The following OR51A7 variants were observed in gnomAD, a reference collection of about 807,000 sequenced individuals.
OR51A7 encodes the protein olfactory receptor family 51 subfamily A member 7.
For synonymous variants in OR51A7, 143 were observed against 135.5 expected, an observed-to-expected ratio of 1.05 and a Z score of -0.38; for missense variants, 409 against 374.5, an observed-to-expected ratio of 1.09 and a Z score of -0.76.
In OR51A7 at chr11:4,907,587, T is replaced by A; in HGVS notation, c.218T>A (p.Leu73Gln). 1 of 1,613,838 alleles carries A rather than the reference T, an allele frequency of 6.2e-7. No homozygotes were observed. The highest frequency in any genetic ancestry group is 8.5e-7 in the Non-Finnish European group (1 of 1,179,746). ...ATGTTGGCTGTCTCTGACATGGGCC[T>A]GTCCCTCTCCTCCCTTCCTACCATG... ...LAMLAVSDMGLSLSSLPTMLR... is the reference protein window; with the variant it reads ...LAMLAVSDMGQSLSSLPTMLR... Residue 73 changes from leucine (L) to glutamine (Q), a missense_variant, in exon 2 of 2, where the codon CTG (leucine) becomes CAG (glutamine). Coordinates refer to ENST00000641490, the MANE Select transcript of OR51A7 (RefSeq NM_001004749.2).
In OR51A7 at chr11:4,908,178, T is replaced by C. The variant is rs1406390190; in HGVS notation, c.809T>C (p.Leu270Pro). The change falls in exon 2 of 2, where the codon CTT becomes CCT. Residue 270 changes from leucine (L) to proline (P), a missense_variant. Transcript: ENST00000641490. ...MHHFAKHKSP[L>P]VVILIADMFL... Reference sequence around the variant, plus strand: ...CACTTTGCCAAGCACAAAAGCCCTCTTGTTGTGATCCTTATTGCAGATATG... The same window carrying C: ...CACTTTGCCAAGCACAAAAGCCCTCCTGTTGTGATCCTTATTGCAGATATG... 1 of 1,614,212 alleles carries C rather than the reference T, an allele frequency of 6.2e-7. No homozygotes were observed. The highest frequency in any genetic ancestry group is 8.5e-7 in the Non-Finnish European group (1 of 1,180,038).
chr11:4,908,177 C>T lies in OR51A7; in HGVS notation c.808C>T (p.Leu270Phe). Reference protein sequence around the residue: ...MHHFAKHKSPLVVILIADMFL... With the variant: ...MHHFAKHKSPFVVILIADMFL... ...TCACTTTGCCAAGCACAAAAGCCCT[C>T]TTGTTGTGATCCTTATTGCAGATAT... Residue 270 changes from leucine to phenylalanine, a missense_variant, in exon 2 of 2, where the codon CTT (leucine) becomes TTT (phenylalanine). Transcript: ENST00000641490. 6.2e-7 allele frequency: 1 copy of T among 1,614,188 alleles called. No homozygotes were observed. The highest frequency in any genetic ancestry group is 8.5e-7 in the Non-Finnish European group (1 of 1,180,028).
chr11:4,907,109 A>AAAAAAAAAAAAAAAAG (rs1564804260), intron 1 of OR51A7, among the ~76,000 whole-genome samples: 2 of 150,902 alleles, frequency 1.3e-5, no homozygotes, highest in South Asian at 2.1e-4. Context: ...AAAAAAAAAA[A>AAAAAAAAAAAAAAAAG]AAAAAATCCT....
At chr11:4,904,336 G>C (rs1246147482) in intron 1 of OR51A7, among the ~76,000 whole-genome samples, 1 of 152,044 alleles carries the variant, frequency 6.6e-6, no homozygotes, top group Non-Finnish European at 1.5e-5. Context: ...CTTGAGAACT[G>C]ATTTTTGCCT....
At position 4,908,490 on chromosome 11, in the gene OR51A7, A is replaced by G. The variant is rs1850942287; in HGVS notation, c.*182A>G. The G allele has an allele frequency of 3.2e-6, 2 of 626,118 alleles. No individual in the cohort carries two copies. Among genetic ancestry groups the G allele is most frequent in the Admixed American group, 2.8e-5 (1 of 36,144 alleles). 38.8% of individuals were successfully genotyped at this position (626,118 alleles called of 1,614,324 possible). A position where few individuals can be genotyped will look rare whatever the true frequency, so the allele number is the denominator to read the frequency against. ...ACAGGATAGAAAAAAAAGTCAAGAG[A>G]TATATAAGATATAGAGGTTTAATTA... On this transcript the variant is annotated 3_prime_UTR_variant, in exon 2 of 2. Coordinates refer to ENST00000641490, the MANE Select transcript of OR51A7 (RefSeq NM_001004749.2).
In OR51A7 at chr11:4,908,274, T is replaced by A; in HGVS notation, c.905T>A (p.Ile302Asn). The change falls in exon 2 of 2, where the codon ATC becomes AAC. Residue 302 changes from isoleucine to asparagine, a missense_variant. Ile to Asn is a moderately radical substitution (Grantham distance 149). Coordinates refer to ENST00000641490, the MANE Select transcript of OR51A7 (RefSeq NM_001004749.2). ...CVKTRQIWEK[I>N]LGKLLNVCGR ...AAGACTCGACAAATCTGGGAGAAGA[T>A]CTTGGGGAAGTTGCTTAATGTATGT... 6.2e-7 allele frequency: 1 copy of A among 1,614,110 alleles called. No homozygotes were observed. The highest frequency in any genetic ancestry group is 1.1e-5 in the South Asian group (1 of 91,088).
Position 4,909,149 on chromosome 11 carries a change from A to C in OR51A7, c.*841A>C, listed in dbSNP as rs1044033925. Reference sequence around the variant, plus strand: ...TAGTCTTTCCCTGCGCCTTAAAAAAAATCAGCCCCTCTAATATGTTCTTAA... The same window carrying C: ...TAGTCTTTCCCTGCGCCTTAAAAAACATCAGCCCCTCTAATATGTTCTTAA... On this transcript the variant is annotated 3_prime_UTR_variant, in exon 2 of 2. Coordinates refer to ENST00000641490, the MANE Select transcript of OR51A7 (RefSeq NM_001004749.2). 2.6e-5 allele frequency: 4 copies of C among 152,168 alleles called. No homozygotes were observed. The highest frequency in any genetic ancestry group is 5.9e-5 in the Non-Finnish European group (4 of 68,026). The allele number at this position is 152,168 out of a possible 1,614,324, so 9.4% of individuals were successfully genotyped here.
At position 4,909,043 on chromosome 11, in the gene OR51A7, A is replaced by G. The variant is rs967488430; in HGVS notation, c.*735A>G. The G allele has an allele frequency of 1.3e-5, 2 of 152,158 alleles. No homozygotes were observed. The highest frequency in any genetic ancestry group is 4.8e-5 in the African/African-American group (2 of 41,448). 9.4% of individuals were successfully genotyped at this position (152,158 alleles called of 1,614,324 possible). On this transcript the variant is annotated 3_prime_UTR_variant, in exon 2 of 2. Transcript: ENST00000641490. ...TATAAAACCAACATGTAAATTATGGAAAATTCACAAATTTAACTAAGTGAC... is the reference window on the plus strand; with the variant it reads ...TATAAAACCAACATGTAAATTATGGGAAATTCACAAATTTAACTAAGTGAC...
rs147018668 is a variant in OR51A7 at position 4,907,461 on chromosome 11, T to C, written c.92T>C (p.Ile31Thr). 2,078 of 1,613,952 alleles carry C rather than the reference T, an allele frequency of 1.3e-3. 2 individuals carry two copies. The highest frequency in any genetic ancestry group is 1.6e-3 in the Non-Finnish European group (1,919 of 1,179,934). ...EHAHIWFSIPICLMYLLAIMG... is the reference protein window; with the variant it reads ...EHAHIWFSIPTCLMYLLAIMG... ...GCCCACATTTGGTTCTCCATCCCCA[T>C]TTGCCTCATGTACCTGCTTGCCATC... Residue 31 changes from isoleucine (I) to threonine (T), a missense_variant, in exon 2 of 2, where the codon ATT becomes ACT. Ile to Thr is a moderately conservative substitution (Grantham distance 89, BLOSUM62 -1). Transcript: ENST00000641490.
chr11:4,906,128 G>A (rs1328031235), intron 1 of OR51A7, among the ~76,000 whole-genome samples: 1 of 152,290 alleles, frequency 6.6e-6, no homozygotes, highest in East Asian at 1.9e-4. Context: ...CCTGAAGTGT[G>A]AACCATAAGT....
In OR51A7 at chr11:4,904,585, C is replaced by A. The variant is rs114706336; in HGVS notation, c.-32+741C>A. ...TTTTTACTGTATGATTTCATTTACT[C>A]TTTGGTTTCAGATACCACCTATCAT... On this transcript the variant is annotated intron_variant, in intron 1 of 1. Transcript: ENST00000641490. Among the ~76,000 whole-genome samples, 1,056 of 152,132 alleles carry A rather than the reference C, an allele frequency of 6.9e-3. 11 individuals carry two copies. The highest frequency in any genetic ancestry group is 0.025 in the African/African-American group (1,030 of 41,540).
chr11:4,906,313 C>A (rs1850887210), intron 1 of OR51A7, among the ~76,000 whole-genome samples: 1 of 152,176 alleles, frequency 6.6e-6, no homozygotes, highest in Admixed American at 6.5e-5. Flanking sequence ...GAACCTAGAT[C>A]TCTGTTTGGA....
At position 4,907,513 on chromosome 11, in the gene OR51A7, T is replaced by C. The variant is rs2133565760; in HGVS notation, c.144T>C (p.Ile48=). The change falls in exon 2 of 2, where the codon ATT becomes ATC. Residue 48 remains isoleucine (I), a synonymous_variant. Transcript: ENST00000641490. ...TGGGCAACTGCACCATTCTCTTTAT[T>C]ATAAAGACAGAGCCCTCGCTTCATG... The part of the protein sequence containing the change: ...AIMGNCTILF[I]IKTEPSLHEP... 6.2e-7 allele frequency: 1 copy of C among 1,614,050 alleles called. No homozygotes were observed. Among genetic ancestry groups the C allele is most frequent in the Non-Finnish European group, 8.5e-7 (1 of 1,179,970 alleles).
At chr11:4,905,126 G>A (rs1160431773) in intron 1 of OR51A7, among the ~76,000 whole-genome samples, 1 of 152,108 alleles carries the variant, frequency 6.6e-6, no homozygotes, top group African/African-American at 2.4e-5. Flanking sequence ...CTTATTTTAT[G>A]ACTACTGACA....
chr11:4,906,726 A>C (rs1157516045), intron 1 of OR51A7, among the ~76,000 whole-genome samples: 1 of 152,180 alleles, frequency 6.6e-6, no homozygotes, highest in African/African-American at 2.4e-5. Context: ...TGAGTGGAAA[A>C]GATTCTAAGT....
chr11:4,906,234 C>G (rs573144563), intron 1 of OR51A7, among the ~76,000 whole-genome samples: 15 of 152,248 alleles, frequency 9.9e-5, no homozygotes, highest in African/African-American at 3.1e-4. Context: ...CTCCATTTCT[C>G]CAACATGTTC....
chr11:4,907,705 C>A lies in OR51A7; in HGVS notation c.336C>A (p.Ser112=). The A allele has an allele frequency of 6.2e-7, 1 of 1,613,892 alleles. No individual in the cohort carries two copies. The highest frequency in any genetic ancestry group is 8.5e-7 in the Non-Finnish European group (1 of 1,179,904). The change falls in exon 2 of 2, where the codon TCC becomes TCA. Residue 112 remains serine, a synonymous_variant. Coordinates refer to ENST00000641490, the MANE Select transcript of OR51A7 (RefSeq NM_001004749.2). ...FFIHGFTVME[S]SVLLIMSLDR... The stretch of plus-strand genomic sequence containing the variant: ...TTCATGGATTCACTGTCATGGAATC[C>A]TCAGTACTTCTAATTATGTCTTTGG...
Position 4,908,158 on chromosome 11 carries a change from T to G in OR51A7, c.789T>G (p.Phe263Leu). The change falls in exon 2 of 2, where the codon TTT (phenylalanine) becomes TTG (leucine). Residue 263 changes from phenylalanine (F) to leucine (L), a missense_variant. Transcript: ENST00000641490. ...PIITLAAMHH[F>L]AKHKSPLVVI... is the part of the protein sequence containing the mutation. ...TCACCCTGGCTGCCATGCATCACTT[T>G]GCCAAGCACAAAAGCCCTCTTGTTG... 1 of 1,614,204 alleles carries G rather than the reference T, an allele frequency of 6.2e-7. No homozygotes were observed. Among genetic ancestry groups the G allele is most frequent in the Non-Finnish European group, 8.5e-7 (1 of 1,180,032 alleles).
Position 4,907,678 on chromosome 11 carries a change from C to A in OR51A7, c.309C>A (p.Phe103Leu), listed in dbSNP as rs142232152. 203 of 1,613,908 alleles carry A rather than the reference C, an allele frequency of 1.3e-4. No homozygotes were observed. Among genetic ancestry groups the A allele is most frequent in the Non-Finnish European group, 1.6e-4 (187 of 1,179,968 alleles). Reference protein sequence around the residue: ...SPNACFAQEFFIHGFTVMESS... With the variant: ...SPNACFAQEFLIHGFTVMESS... Reference sequence around the variant, plus strand: ...ATGCCTGCTTTGCTCAAGAATTCTTCATTCATGGATTCACTGTCATGGAAT... The same window carrying A: ...ATGCCTGCTTTGCTCAAGAATTCTTAATTCATGGATTCACTGTCATGGAAT... Residue 103 changes from phenylalanine (F) to leucine (L), a missense_variant, in exon 2 of 2, where the codon TTC becomes TTA. Phe to Leu is a conservative substitution (Grantham distance 22, BLOSUM62 0). Coordinates refer to ENST00000641490, the MANE Select transcript of OR51A7 (RefSeq NM_001004749.2).
Sources: allele counts gnomAD v4.1 joint callset (sites outside exome capture counted in the v4.1 genomes callset), GRCh38; gene constraint gnomAD v4.1.1; transcripts MANE v1.5; gene names NCBI Gene and HGNC (gene_info 2026-07-23, HGNC 2026-07-21).